Variants in LRRC37A2 observed in about 807,000 individuals in gnomAD.
The protein encoded by LRRC37A2 is leucine-rich repeat-containing protein 37A2.
LRRC37A2 carries 9 observed loss-of-function variants against 68.8 expected under a neutral mutation model. That is an observed-to-expected ratio of 0.13 (90% CI 0.08 to 0.23). The LOEUF (loss-of-function observed/expected upper bound fraction) is 0.23, where lower values mean the gene tolerates loss of function less well. LRRC37A2 is among the 10% of genes least tolerant of loss of function. LRRC37A2 has a pLI of 1.00. For missense variants in LRRC37A2, 168 were observed against 950.4 expected, an observed-to-expected ratio of 0.18 and a Z score of 10.82; for synonymous variants, 63 against 367.6, an observed-to-expected ratio of 0.17 and a Z score of 9.48.
chr17:46,994,190 G>C, the LRRC37A2 span, among the ~76,000 whole-genome samples: 1 of 152,024 alleles, frequency 6.6e-6, no homozygotes, highest in African/African-American at 2.4e-5. Flanking sequence ...TTTGAGACCA[G>C]CCTGGCCAAC....
the LRRC37A2 span, chr17:46,886,807 GT>G: frequency 5.2e-5 from 8 of 153,416 alleles, no homozygotes; most frequent in Non-Finnish European, 1.0e-4. Flanking sequence ...AACAGCATCT[GT>G]TTTTTTTGTT....
the LRRC37A2 span, chr17:46,941,386 G>A: frequency 4.1e-6 from 4 of 980,946 alleles, no homozygotes; most frequent in African/African-American, 1.8e-5. Context: ...AAAAGAATTC[G>A]ATATTCATTT....
the LRRC37A2 span, among the ~76,000 whole-genome samples, chr17:47,032,415 C>T: frequency 1.2e-3 from 180 of 152,118 alleles, no homozygotes; most frequent in African/African-American, 4.0e-3. Context: ...AAGGTTCACA[C>T]GGCTAATAAG....
At chr17:46,854,518 T>G in the LRRC37A2 span, among the ~76,000 whole-genome samples, 27 of 152,282 alleles carry the variant, frequency 1.8e-4, no homozygotes, top group African/African-American at 6.5e-4. Context: ...GGATGTATTA[T>G]TATCCCAATT....
the LRRC37A2 span, chr17:46,978,298 G>GT: frequency 1.2e-5 from 4 of 323,524 alleles, no homozygotes; most frequent in Non-Finnish European, 2.2e-5. Context: ...CCGCACCAAC[G>GT]TACACACAAA....
the LRRC37A2 span, among the ~76,000 whole-genome samples, chr17:46,974,718 A>G: frequency 6.5e-5 from 9 of 139,506 alleles, no homozygotes; most frequent in East Asian, 1.9e-3. Flanking sequence ...TGGGGGACAG[A>G]GCAAGACTCT....
chr17:46,966,523 AT>A, the LRRC37A2 span: 3 of 687,990 alleles, frequency 4.4e-6, no homozygotes, highest in South Asian at 1.5e-5. Flanking sequence ...AATTTTTTGT[AT>A]TTTTTGCAGA....
the LRRC37A2 span, among the ~76,000 whole-genome samples, chr17:46,983,708 T>C: frequency 6.6e-6 from 1 of 152,242 alleles, no homozygotes; most frequent in South Asian, 2.1e-4. Context: ...TATTTATTGC[T>C]ACATCACAAA....
the LRRC37A2 span, among the ~76,000 whole-genome samples, chr17:47,025,036 T>G: frequency 3.3e-5 from 5 of 151,722 alleles, no homozygotes; most frequent in Non-Finnish European, 7.4e-5. Flanking sequence ...CACATATCAT[T>G]CTTTTTCTAT....
the LRRC37A2 span, among the ~76,000 whole-genome samples, chr17:46,497,425 T>C: frequency 1.4e-5 from 2 of 145,004 alleles, no homozygotes; most frequent in African/African-American, 2.7e-5. Flanking sequence ...TTTAGTGTTA[T>C]GTTTTATTAA....
the LRRC37A2 span, among the ~76,000 whole-genome samples, chr17:46,896,430 GA>G: frequency 1.9e-5 from 2 of 103,450 alleles, no homozygotes; most frequent in African/African-American, 7.1e-5. Context: ...AAGAAAGAAA[GA>G]AAGAAAGAAA....
At chr17:46,676,626 G>A in the LRRC37A2 span, among the ~76,000 whole-genome samples, 1 of 124,814 alleles carries the variant, frequency 8.0e-6, no homozygotes, top group Non-Finnish European at 1.6e-5. Context: ...CCGAAGCTGA[G>A]AAATTAGTTA....
At chr17:46,997,343 C>T in the LRRC37A2 span, among the ~76,000 whole-genome samples, 2 of 151,998 alleles carry the variant, frequency 1.3e-5, no homozygotes, top group African/African-American at 4.8e-5. Context: ...TAGAGTGAGA[C>T]TCTGTCTCCC....
the LRRC37A2 span, among the ~76,000 whole-genome samples, chr17:46,816,475 G>GCACGCACA: frequency 4.3e-3 from 622 of 144,348 alleles, 3 homozygotes; most frequent in African/African-American, 0.015. Context: ...CAGAACACAC[G>GCACGCACA]CACACACACA....
At chr17:46,951,768 CAGAG>C in the LRRC37A2 span, among the ~76,000 whole-genome samples, 5 of 152,164 alleles carry the variant, frequency 3.3e-5, no homozygotes, top group East Asian at 1.9e-4. Flanking sequence ...CAGGTACACT[CAGAG>C]AGGAAAAATG....
chr17:46,943,271 G>T, the LRRC37A2 span, among the ~76,000 whole-genome samples: 57 of 152,100 alleles, frequency 3.7e-4, no homozygotes, highest in African/African-American at 1.3e-3. Context: ...GTGGCCATTG[G>T]GTGCCCCTCA....
At chr17:46,896,425 A>G in the LRRC37A2 span, among the ~76,000 whole-genome samples, 1 of 85,196 alleles carries the variant, frequency 1.2e-5, no homozygotes, top group Non-Finnish European at 2.1e-5. Context: ...AAAGAAAGAA[A>G]GAAAGAAAGA....
the LRRC37A2 span, among the ~76,000 whole-genome samples, chr17:47,000,091 T>TAAAATAAAATAA: frequency 1.6e-5 from 1 of 62,612 alleles, no homozygotes; most frequent in East Asian, 6.8e-4. Context: ...TAAAATAAAA[T>TAAAATAAAATAA]AAAATAAAAT....
chr17:46,872,757 G>A, the LRRC37A2 span: 15 of 1,607,976 alleles, frequency 9.3e-6, no homozygotes, highest in African/African-American at 5.3e-5. Flanking sequence ...AGGGCAGGAT[G>A]GGCCTGCTCA....
Sources: allele counts gnomAD v4.1 joint callset (sites outside exome capture counted in the v4.1 genomes callset), GRCh38; gene constraint gnomAD v4.1.1; transcripts MANE v1.5; gene names NCBI Gene and HGNC (gene_info 2026-07-23, HGNC 2026-07-21).